The following FBXL17 variants were observed in gnomAD, a reference collection of about 807,000 sequenced individuals.
The protein encoded by FBXL17 is F-box/LRR-repeat protein 17.
Under a neutral mutation model 66.2 loss-of-function variants are expected in FBXL17, and 22 were observed. That is an observed-to-expected ratio of 0.33 (90% CI 0.24 to 0.47). The LOEUF (loss-of-function observed/expected upper bound fraction) is 0.47, where lower values mean the gene tolerates loss of function less well. Ranked by LOEUF, FBXL17 falls within the 20% of genes least tolerant of loss-of-function variation. The probability of loss-of-function intolerance (pLI) is 1.00; values close to 1 mark genes in which losing one functional copy is unlikely to be tolerated. For missense variants in FBXL17, 878 were observed against 948.2 expected, an observed-to-expected ratio of 0.93 and a Z score of 0.97; for synonymous variants, 474 against 400.5, an observed-to-expected ratio of 1.18 and a Z score of -2.19.
intron 6 of FBXL17, among the ~76,000 whole-genome samples, chr5:108,115,261 G>T (rs998090778): frequency 1.3e-5 from 2 of 152,110 alleles, no homozygotes; most frequent in African/African-American, 4.8e-5. Context: ...AGAAACAGGA[G>T]AAGCATGGGC....
intron 4 of FBXL17, among the ~76,000 whole-genome samples, chr5:108,235,884 G>T (rs898288415): frequency 6.6e-6 from 1 of 152,182 alleles, no homozygotes. Context: ...CAATACTGAA[G>T]AAATACATTT....
chr5:108,172,604 T>TA (rs1561446518), intron 6 of FBXL17, among the ~76,000 whole-genome samples: 1 of 152,198 alleles, frequency 6.6e-6, no homozygotes, highest in African/African-American at 2.4e-5. Flanking sequence ...CAACATGAAG[T>TA]AATATTACTC....
At chr5:108,109,353 G>A (rs998527158) in intron 6 of FBXL17, among the ~76,000 whole-genome samples, 1 of 152,052 alleles carries the variant, frequency 6.6e-6, no homozygotes, top group African/African-American at 2.4e-5. Flanking sequence ...CCACAAGAAA[G>A]GAACATCCTC....
Position 108,246,304 on chromosome 5 carries a change from C to T in FBXL17, c.1507-22076G>A, listed in dbSNP as rs1464525154. Among the ~76,000 whole-genome samples, 6 of 152,108 alleles carry T rather than the reference C, an allele frequency of 3.9e-5. No homozygotes were observed. The East Asian group carries it at 1.2e-3, about 29-fold the overall frequency. ...TCACTTGAGCCTTGGAGTTCAAGAC[C>T]AGCCTGGGCAAAATAGTGAAACCCT... is the stretch of plus-strand genomic sequence containing the variant. On this transcript the variant is annotated intron_variant, in intron 4 of 8. Transcript: ENST00000542267.
intron 3 of FBXL17, among the ~76,000 whole-genome samples, chr5:108,362,352 T>C (rs966173158): frequency 7.2e-5 from 11 of 152,168 alleles, no homozygotes; most frequent in Non-Finnish European, 1.3e-4. Flanking sequence ...CATAATATAG[T>C]AACAATGCAT....
chr5:108,150,136 C>T (rs1175564055), intron 6 of FBXL17, among the ~76,000 whole-genome samples: 3 of 152,096 alleles, frequency 2.0e-5, no homozygotes, highest in Non-Finnish European at 2.9e-5. Flanking sequence ...AACATGTTAC[C>T]CCTAAGTATT....
chr5:108,011,804 A>G (rs1561366620), intron 7 of FBXL17, among the ~76,000 whole-genome samples: 1 of 152,238 alleles, frequency 6.6e-6, no homozygotes. Flanking sequence ...AGCCTGGGCA[A>G]CAGAGTGAGA....
chr5:108,246,748 G>A (rs1756116015), intron 4 of FBXL17, among the ~76,000 whole-genome samples: 1 of 152,150 alleles, frequency 6.6e-6, no homozygotes, highest in South Asian at 2.1e-4. Context: ...TGGTAAAATT[G>A]CTTTAAATCA....
intron 5 of FBXL17, among the ~76,000 whole-genome samples, chr5:108,207,864 T>C (rs1439469794): frequency 6.6e-6 from 1 of 152,142 alleles, no homozygotes. Flanking sequence ...GGTCAAATGG[T>C]ATTTCTAGTT....
chr5:108,009,306 T>TATATATATATATATATAC (rs1561365393), intron 7 of FBXL17, among the ~76,000 whole-genome samples: 2 of 17,442 alleles, frequency 1.1e-4, no homozygotes, highest in African/African-American at 5.0e-4. Context: ...TATATACATA[T>TATATATATATATATATAC]ATACATACAC....
chr5:108,133,763 T>A (rs1229944675), intron 6 of FBXL17, among the ~76,000 whole-genome samples: 1 of 152,156 alleles, frequency 6.6e-6, no homozygotes, highest in Non-Finnish European at 1.5e-5. Context: ...TCAGCTAGAA[T>A]TCCGTATCTA....
chr5:108,138,907 G>A (rs765787989), intron 6 of FBXL17, among the ~76,000 whole-genome samples: 10 of 152,136 alleles, frequency 6.6e-5, no homozygotes, highest in African/African-American at 1.9e-4. Flanking sequence ...CAAATTTTAC[G>A]GAGAGAGCCA....
At chr5:108,113,779 C>T (rs1750133343) in intron 6 of FBXL17, among the ~76,000 whole-genome samples, 1 of 152,088 alleles carries the variant, frequency 6.6e-6, no homozygotes, top group Non-Finnish European at 1.5e-5. Flanking sequence ...AGTCTATCCC[C>T]AGAATCATTC....
chr5:108,279,092 A>G (rs750027221), intron 4 of FBXL17, among the ~76,000 whole-genome samples: 80 of 152,172 alleles, frequency 5.3e-4, no homozygotes, highest in Non-Finnish European at 9.1e-4. Context: ...ACACAAGCAC[A>G]CAGCATTTGG....
chr5:108,313,417 C>T (rs1351499405), intron 4 of FBXL17, among the ~76,000 whole-genome samples: 1 of 152,080 alleles, frequency 6.6e-6, no homozygotes, highest in Admixed American at 6.6e-5. Flanking sequence ...TCATCTCTAC[C>T]TTCTGCCATG....
chr5:108,148,441 T>C (rs1490743211), intron 6 of FBXL17, among the ~76,000 whole-genome samples: 2 of 152,160 alleles, frequency 1.3e-5, no homozygotes, highest in Non-Finnish European at 2.9e-5. Context: ...CGTGTCCCTT[T>C]AGCGGAGCCC....
intron 1 of FBXL17, among the ~76,000 whole-genome samples, chr5:108,380,020 T>C (rs867572556): frequency 1.3e-5 from 2 of 152,290 alleles, no homozygotes; most frequent in South Asian, 4.1e-4. Context: ...GATCTACCCT[T>C]TACTTTCTGT....
intron 6 of FBXL17, among the ~76,000 whole-genome samples, chr5:108,082,559 A>G (rs1748810685): frequency 6.6e-6 from 1 of 152,216 alleles, no homozygotes; most frequent in South Asian, 2.1e-4. Flanking sequence ...AACATTTTAC[A>G]AAGTAGCAGG....
chr5:108,169,515 C>A (rs989427326), intron 6 of FBXL17, among the ~76,000 whole-genome samples: 9 of 152,072 alleles, frequency 5.9e-5, no homozygotes, highest in African/African-American at 1.9e-4. Flanking sequence ...AATAAATTGT[C>A]GCCATAAGAA....
Sources: gnomAD v4.1 joint callset for allele counts (sites outside exome capture counted in the v4.1 genomes callset) on GRCh38, gnomAD v4.1.1 for gene constraint, MANE v1.5 for transcripts, NCBI Gene and HGNC (gene_info 2026-07-23, HGNC 2026-07-21) for gene names.